MYLK3: variants seen among roughly 807,000 people sequenced by gnomAD.
MYLK3 encodes the protein MLC kinase.
Under a neutral mutation model 76.3 loss-of-function variants are expected in MYLK3, and 55 were observed. That is an observed-to-expected ratio of 0.72 (90% CI 0.58 to 0.90). The LOEUF is 0.90. Among genes scored for constraint, MYLK3 ranks in the 40% least tolerant of loss-of-function variants. The probability of loss-of-function intolerance (pLI) is 0.00; values close to 1 mark genes in which losing one functional copy is unlikely to be tolerated. For synonymous variants in MYLK3, 416 were observed against 425.4 expected (o/e 0.98, Z 0.27); for missense variants, 973 against 1,053.6 (o/e 0.92, Z 1.06).
At chr16:46,728,840 T>G (rs919700853) in intron 7 of MYLK3, among the ~76,000 whole-genome samples, 184 bp downstream of exon 7, 14 of 152,270 alleles carry the variant, frequency 9.2e-5, no homozygotes, top group Non-Finnish European at 1.8e-4. Flanking sequence ...GTGACAAAGT[T>G]GCTTTGTCCT....
intron 9 of MYLK3, 121 bp from the exon 10 acceptor site, chr16:46,712,897 C>T (rs1966698855): frequency 1.1e-6 from 1 of 930,396 alleles, no homozygotes; most frequent in Non-Finnish European, 1.5e-6. Flanking sequence ...GGCCTGGACT[C>T]CACACCCACA....
At chr16:46,717,465 A>G (rs1966753898) in intron 9 of MYLK3, among the ~76,000 whole-genome samples, 1 of 152,034 alleles carries the variant, frequency 6.6e-6, no homozygotes, top group Non-Finnish European at 1.5e-5. Flanking sequence ...CTATAGGATA[A>G]TGTTCAGACG....
chr16:46,721,313 C>CT, intron 8 of MYLK3, 120 bp from the exon 9 acceptor site: 1 of 799,176 alleles, frequency 1.3e-6, no homozygotes, highest in Non-Finnish European at 2.1e-6. Flanking sequence ...CAGGGCAGCC[C>CT]TGCAAGGGCT....
Position 46,706,970 on chromosome 16 carries a change from G to T in MYLK3, c.*734C>A, listed in dbSNP as rs1651659. 0.99 allele frequency: 150,086 copies of T among 152,350 alleles called. 73,954 individuals are homozygous for T. The highest frequency in any genetic ancestry group is 1 in the East Asian group (5,188 of 5,188). The allele number at this position is 152,350 out of a possible 1,614,324, so 9.4% of individuals were successfully genotyped here. On this transcript the variant is annotated 3_prime_UTR_variant, in exon 13 of 13. Coordinates refer to ENST00000394809, the MANE Select transcript of MYLK3 (RefSeq NM_182493.3). ...ATCATTTCTGTGTTTCTCAGAAAGC[G>T]GAACCTCATTACATTCTTATCTCTT...
intron 9 of MYLK3, among the ~76,000 whole-genome samples, chr16:46,719,384 A>T (rs1966777051): frequency 1.3e-5 from 2 of 152,170 alleles, no homozygotes; most frequent in Admixed American, 1.3e-4. Flanking sequence ...CTCGGAGGAA[A>T]CAGAATCCTG....
chr16:46,747,697 G>T lies in MYLK3; in HGVS notation c.477+20C>A, dbSNP rs573289224. 1.9e-5 allele frequency: 31 copies of T among 1,602,268 alleles called. No homozygotes were observed. The East Asian group carries it at 5.8e-4, about 30-fold the overall frequency. On this transcript the variant is annotated intron_variant, in intron 1 of 12. Transcript: ENST00000394809. The stretch of plus-strand genomic sequence containing the variant: ...GGCCGGGGCCTCCCATCCAGCCAGG[G>T]CAGGGAAGCAGGAACCAACCTCCTC...
At chr16:46,709,756 A>C (rs1215944362) in intron 11 of MYLK3, 85 bp from the exon 12 acceptor site, 7 of 1,471,842 alleles carry the variant, frequency 4.8e-6, no homozygotes, top group African/African-American at 4.2e-5. Flanking sequence ...AGGAAGCCTG[A>C]GTCAGTGGAA....
intron 9 of MYLK3, among the ~76,000 whole-genome samples, chr16:46,716,347 T>G (rs1294615293): frequency 2.0e-5 from 3 of 151,900 alleles, no homozygotes; most frequent in African/African-American, 4.8e-5. Context: ...TTATGAGAGA[T>G]ATATATAGCC....
At chr16:46,725,735 T>C (rs1966839529) in intron 8 of MYLK3, 1 of 152,218 alleles carries the variant, frequency 6.6e-6, no homozygotes, top group Admixed American at 6.5e-5. Context: ...CCCTCTTTCC[T>C]TGTGATGTCT....
At chr16:46,735,951 C>A (rs911125218) in intron 3 of MYLK3, among the ~76,000 whole-genome samples, 6 of 152,228 alleles carry the variant, frequency 3.9e-5, no homozygotes, top group African/African-American at 1.4e-4. Flanking sequence ...CAGTGCTGAC[C>A]AGGTCCAGCT....
At chr16:46,753,060 A>G (rs36473), upstream of MYLK3, among the ~76,000 whole-genome samples, 148,817 of 152,236 alleles carry the variant, frequency 0.98, 72,813 homozygotes, top group East Asian at 1. Flanking sequence ...ATGAATTTCT[A>G]GGAGATAGAA....
At chr16:46,733,602 GC>G (rs1308364496) in intron 3 of MYLK3, among the ~76,000 whole-genome samples, 1 of 152,100 alleles carries the variant, frequency 6.6e-6, no homozygotes, top group Non-Finnish European at 1.5e-5. Context: ...GGCCCTCTGA[GC>G]CCCGACCTCT....
Position 46,732,442 on chromosome 16 carries a change from C to CG in MYLK3, c.1227dup (p.Gly410ArgfsTer25). 6.2e-7 allele frequency: 1 copy of CG among 1,612,784 alleles called. No individual in the cohort carries two copies. ...TGCTCCTCCTCTGCCTTCACTCCCC[C>CG]GGGGCTGCTGCTCTCCTGCAGCGGG... On this transcript the variant is annotated frameshift_variant, in exon 4 of 13. Coordinates refer to ENST00000394809, the MANE Select transcript of MYLK3 (RefSeq NM_182493.3). LOFTEE classifies it high-confidence loss of function.
rs150630095 is a variant in MYLK3 at position 46,731,094 on chromosome 16, C to T, written c.1463-396G>A. 1.6e-4 allele frequency among the ~76,000 whole-genome samples: 25 copies of T among 152,332 alleles called. 1 individual carries two copies. Among genetic ancestry groups the T allele is most frequent in the African/African-American group, 5.8e-4 (24 of 41,574 alleles). On this transcript the variant is annotated intron_variant, in intron 4 of 12. Coordinates refer to ENST00000394809, the MANE Select transcript of MYLK3 (RefSeq NM_182493.3). ...GACTGTAAAGTCAGGGCTGTGGAAACTCATGAGGGTGTTATGAGAGGGAGG... is the reference window on the plus strand; with the variant it reads ...GACTGTAAAGTCAGGGCTGTGGAAATTCATGAGGGTGTTATGAGAGGGAGG...
chr16:46,758,902 C>T (rs185006231), intron 1 of MYLK3, among the ~76,000 whole-genome samples: 7 of 152,230 alleles, frequency 4.6e-5, no homozygotes, highest in African/African-American at 1.4e-4. Flanking sequence ...GCAGGGACTC[C>T]GAGATATTCA....
intron 1 of MYLK3, among the ~76,000 whole-genome samples, chr16:46,744,268 G>T (rs917775411): frequency 6.8e-6 from 1 of 146,468 alleles, no homozygotes; most frequent in African/African-American, 2.5e-5. Context: ...TCCTGACCTC[G>T]TGATCTGCCC....
chr16:46,709,389 T>C (rs548243802), intron 12 of MYLK3, 150 bp downstream of exon 12: 14 of 857,358 alleles, frequency 1.6e-5, no homozygotes, highest in East Asian at 1.0e-4. Context: ...GCCACTATAC[T>C]CCAGCCTGGG....
At chr16:46,752,366 C>A (rs936417751), upstream of MYLK3, among the ~76,000 whole-genome samples, 1 of 152,252 alleles carries the variant, frequency 6.6e-6, no homozygotes, top group Admixed American at 6.5e-5. Context: ...TCCTGCATAA[C>A]TGGGATTACA....
chr16:46,727,098 C>T (rs1037419657), intron 8 of MYLK3, 138 bp downstream of exon 8: 10 of 937,426 alleles, frequency 1.1e-5, no homozygotes, highest in Non-Finnish European at 1.5e-5. Context: ...GTGGCCTGTC[C>T]CAGACTCCAG....
Sources: allele counts gnomAD v4.1 joint callset (sites outside exome capture counted in the v4.1 genomes callset), GRCh38; gene constraint gnomAD v4.1.1; transcripts MANE v1.5; gene names NCBI Gene and HGNC (gene_info 2026-07-23, HGNC 2026-07-21).